The following DRC11 variants were observed in gnomAD, a reference collection of about 807,000 sequenced individuals.
DRC11 encodes IQ and AAA domain-containing protein 1.
chr2:236,432,621 G>A, the DRC11 span, among the ~76,000 whole-genome samples: 23 of 151,884 alleles, frequency 1.5e-4, no homozygotes, highest in Non-Finnish European at 3.1e-4. Flanking sequence ...TCTTTTTCTT[G>A]TAGAGCTGTA....
chr2:236,456,212 G>A, the DRC11 span, among the ~76,000 whole-genome samples: 1 of 152,222 alleles, frequency 6.6e-6, no homozygotes, highest in African/African-American at 2.4e-5. This position sits in a 1 kb window ranked among gnomAD's most constrained non-coding sequence, Gnocchi z 5.4. Context: ...TTGTTCTAAG[G>A]GCTTTATACT....
At chr2:236,350,845 G>A in the DRC11 span, among the ~76,000 whole-genome samples, 3 of 152,182 alleles carry the variant, frequency 2.0e-5, no homozygotes, top group African/African-American at 7.2e-5. The surrounding 1 kb of genome is among the most constrained non-coding windows in gnomAD (Gnocchi z 5.2). Context: ...TTCCCCTGGG[G>A]AAGCTGAGGG....
chr2:236,428,793 T>C, the DRC11 span, among the ~76,000 whole-genome samples: 3 of 152,228 alleles, frequency 2.0e-5, no homozygotes, highest in Non-Finnish European at 2.9e-5. Flanking sequence ...CTGATTGTCT[T>C]GTAAATCCTT....
At chr2:236,308,045 G>GTGTGCTTGCAGTGACGCAGGCGTCCTCA in the DRC11 span, among the ~76,000 whole-genome samples, 4 of 148,292 alleles carry the variant, frequency 2.7e-5, no homozygotes, top group East Asian at 6.3e-4. This position sits in a 1 kb window ranked among gnomAD's most constrained non-coding sequence, Gnocchi z 6.0. Flanking sequence ...AGGCGTCCTC[G>GTGTGCTTGCAGTGACGCAGGCGTCCTCA]TGTGCTTGCA....
the DRC11 span, among the ~76,000 whole-genome samples, chr2:236,478,400 G>GA: frequency 1.3e-5 from 2 of 152,206 alleles, no homozygotes; most frequent in East Asian, 3.9e-4. The surrounding 1 kb of genome is among the most constrained non-coding windows in gnomAD (Gnocchi z 5.9). Flanking sequence ...ATTGTCATCA[G>GA]AAAAAATACT....
At chr2:236,477,493 T>C in the DRC11 span, among the ~76,000 whole-genome samples, 1 of 152,116 alleles carries the variant, frequency 6.6e-6, no homozygotes, top group Non-Finnish European at 1.5e-5. Flanking sequence ...GTCTTAAGGG[T>C]GGCAGAGGCA....
At chr2:236,324,679 CTCTT>C in the DRC11 span, 3 of 1,492,668 alleles carry the variant, frequency 2.0e-6, no homozygotes, top group East Asian at 2.3e-5. The surrounding 1 kb of genome is among the most constrained non-coding windows in gnomAD (Gnocchi z 5.7). Flanking sequence ...TTGCCTTTTT[CTCTT>C]TCTTTTATTT....
chr2:236,414,027 G>A, the DRC11 span, among the ~76,000 whole-genome samples: 1 of 152,224 alleles, frequency 6.6e-6, no homozygotes, highest in East Asian at 1.9e-4. Context: ...GCTTTCCACA[G>A]AGCATTCCTT....
chr2:236,449,894 T>C, the DRC11 span, among the ~76,000 whole-genome samples: 1 of 152,134 alleles, frequency 6.6e-6, no homozygotes, highest in South Asian at 2.1e-4. The surrounding 1 kb of genome is among the most constrained non-coding windows in gnomAD (Gnocchi z 5.1). Flanking sequence ...AAGACATGAG[T>C]TGCCACTTTG....
chr2:236,354,950 C>T, the DRC11 span, among the ~76,000 whole-genome samples: 338 of 152,306 alleles, frequency 2.2e-3, 2 homozygotes, highest in African/African-American at 7.6e-3. Context: ...ACAGCTGGAC[C>T]CGGCTACATG....
the DRC11 span, among the ~76,000 whole-genome samples, chr2:236,464,957 T>C: frequency 1.3e-5 from 2 of 152,244 alleles, no homozygotes; most frequent in Non-Finnish European, 2.9e-5. Flanking sequence ...ACCAGCATCA[T>C]GCTTCCTGTA....
chr2:236,309,881 G>A, the DRC11 span, among the ~76,000 whole-genome samples: 3 of 152,216 alleles, frequency 2.0e-5, no homozygotes, highest in Admixed American at 1.3e-4. The surrounding 1 kb of genome is among the most constrained non-coding windows in gnomAD (Gnocchi z 5.7). Context: ...CAAGGAGGGA[G>A]GCCTTGAGCT....
the DRC11 span, among the ~76,000 whole-genome samples, chr2:236,498,927 TG>T: frequency 6.6e-6 from 1 of 152,202 alleles, no homozygotes; most frequent in African/African-American, 2.4e-5. Context: ...TCAGTGTGTC[TG>T]GGAAGGAGCT....
At chr2:236,450,241 T>C in the DRC11 span, among the ~76,000 whole-genome samples, 11 of 151,990 alleles carry the variant, frequency 7.2e-5, no homozygotes, top group African/African-American at 2.7e-4. Context: ...TTTTTGTTTC[T>C]AGAGTTAGGA....
chr2:236,440,333 T>C, the DRC11 span, among the ~76,000 whole-genome samples: 1 of 152,002 alleles, frequency 6.6e-6, no homozygotes, highest in African/African-American at 2.4e-5. Context: ...TTGGGGAAAA[T>C]TTTACTCAGG....
the DRC11 span, among the ~76,000 whole-genome samples, chr2:236,354,215 T>C: frequency 1.6e-5 from 1 of 64,368 alleles, no homozygotes; most frequent in South Asian, 3.3e-4. Flanking sequence ...TCAATGTATG[T>C]GTGTGCATGT....
the DRC11 span, among the ~76,000 whole-genome samples, chr2:236,357,573 GTTATATA>G: frequency 1.6e-5 from 2 of 122,178 alleles, no homozygotes; most frequent in East Asian, 2.3e-4. Flanking sequence ...TATATGCATA[GTTATATA>G]TTATAAATAT....
chr2:236,426,347 C>T, the DRC11 span, among the ~76,000 whole-genome samples: 2 of 152,082 alleles, frequency 1.3e-5, no homozygotes, highest in Non-Finnish European at 2.9e-5. This position sits in a 1 kb window ranked among gnomAD's most constrained non-coding sequence, Gnocchi z 4.1. Flanking sequence ...TTTCAATACA[C>T]AGATCCTTCA....
chr2:236,466,142 T>G, the DRC11 span, among the ~76,000 whole-genome samples: 1 of 152,200 alleles, frequency 6.6e-6, no homozygotes, highest in South Asian at 2.1e-4. Context: ...GTAGTTTTGT[T>G]CATTCTTGTC....
Sources: allele counts gnomAD v4.1 joint callset (sites outside exome capture counted in the v4.1 genomes callset), GRCh38; gene constraint gnomAD v4.1.1; non-coding constraint Gnocchi (gnomAD v3.1); transcripts MANE v1.5; gene names NCBI Gene and HGNC (gene_info 2026-07-23, HGNC 2026-07-21).